Variants in CALN1 observed in about 807,000 individuals in gnomAD.
CALN1 encodes calneuron 1.
In CALN1, 17 loss-of-function variants were observed where a neutral mutation model predicts 30.6. The ratio of observed to expected loss-of-function variants is 0.56; its 90% CI spans 0.38 to 0.83. CALN1 has a LOEUF of 0.83. Ranked by LOEUF, CALN1 falls within the 40% of genes least tolerant of loss-of-function variation. The pLI is 0.00. For missense variants in CALN1, 291 were observed against 354.9 expected (o/e 0.82, Z 1.45); for synonymous variants, 156 against 131.4 (o/e 1.19, Z -1.28).
At chr7:72,079,927 T>C (rs144692486) in intron 4 of CALN1, among the ~76,000 whole-genome samples, 2,934 of 152,046 alleles carry the variant, frequency 0.019, 93 homozygotes, top group African/African-American at 0.067. Context: ...TCTGCCACGA[T>C]GCCCAGCTAA....
At chr7:71,813,985 T>C (rs1315562344) in intron 5 of CALN1, among the ~76,000 whole-genome samples, 1 of 145,736 alleles carries the variant, frequency 6.9e-6, no homozygotes, top group Non-Finnish European at 1.5e-5. Context: ...GCCCAAGCAA[T>C]TAAGAGGATA....
chr7:71,807,180 A>G (rs567295284), intron 6 of CALN1, among the ~76,000 whole-genome samples: 6 of 152,300 alleles, frequency 3.9e-5, no homozygotes, highest in Non-Finnish European at 7.3e-5. Context: ...TCAGGTCTTG[A>G]TAGAAGAAGG....
the CALN1 span, among the ~76,000 whole-genome samples, chr7:72,500,712 T>C: frequency 6.6e-6 from 1 of 152,258 alleles, no homozygotes; most frequent in Non-Finnish European, 1.5e-5. Context: ...AAAACTGATA[T>C]GAAAACATAC....
intron 4 of CALN1, among the ~76,000 whole-genome samples, chr7:72,086,628 T>C (rs1805500479): frequency 6.6e-6 from 1 of 152,112 alleles, no homozygotes; most frequent in African/African-American, 2.4e-5. Context: ...GAGATGAGGT[T>C]TCAGCATGTT....
chr7:71,996,397 A>G (rs1402038527), intron 5 of CALN1, among the ~76,000 whole-genome samples: 4 of 152,200 alleles, frequency 2.6e-5, no homozygotes, highest in African/African-American at 7.2e-5. Context: ...TAAAGAAACC[A>G]TCATGCCCCA....
At chr7:71,959,375 T>G (rs1797123404) in intron 5 of CALN1, among the ~76,000 whole-genome samples, 1 of 152,168 alleles carries the variant, frequency 6.6e-6, no homozygotes, top group African/African-American at 2.4e-5. Context: ...AATCCAGACT[T>G]GGTTGTTTTT....
intron 3 of CALN1, among the ~76,000 whole-genome samples, chr7:72,140,794 A>G (rs1357598844): frequency 2.0e-5 from 3 of 152,212 alleles, no homozygotes; most frequent in African/African-American, 7.2e-5. Flanking sequence ...AACTTCCAGG[A>G]CAGGAGAGAA....
intron 3 of CALN1, 118 bp downstream of exon 3, chr7:72,278,568 A>G: frequency 1.5e-6 from 2 of 1,378,048 alleles, no homozygotes; most frequent in Non-Finnish European, 2.0e-6. Context: ...CCATGGCTAC[A>G]CTTGGCCACA....
chr7:71,938,275 G>C (rs1336748831), intron 5 of CALN1, among the ~76,000 whole-genome samples: 2 of 151,772 alleles, frequency 1.3e-5, no homozygotes, highest in African/African-American at 2.4e-5. Flanking sequence ...ACTTTTTTTT[G>C]CTTATTTGGT....
chr7:71,847,826 AAGGAGAAGGAGAAGG>A (rs1234555063), intron 5 of CALN1, among the ~76,000 whole-genome samples: 3 of 101,540 alleles, frequency 3.0e-5, no homozygotes, highest in African/African-American at 1.5e-4. Context: ...GGAGAAGGAG[AAGGAGAAGGAGAAGG>A]AGAAGGAGAA....
chr7:72,294,270 T>G (rs1304805722), intron 2 of CALN1, among the ~76,000 whole-genome samples: 6 of 152,060 alleles, frequency 3.9e-5, no homozygotes, highest in Non-Finnish European at 8.8e-5. Context: ...GTAAGTCAAA[T>G]GTAATAGAAA....
chr7:72,097,381 C>T (rs1387064938), intron 4 of CALN1, among the ~76,000 whole-genome samples: 1 of 152,082 alleles, frequency 6.6e-6, no homozygotes, highest in Non-Finnish European at 1.5e-5. Context: ...GCCTTTATTC[C>T]CCAGTGAATG....
At chr7:72,478,032 C>G in the CALN1 span, among the ~76,000 whole-genome samples, 5 of 152,004 alleles carry the variant, frequency 3.3e-5, no homozygotes, top group Non-Finnish European at 7.4e-5. Context: ...GTCTTCAGAG[C>G]CTAGCACGTT....
intron 2 of CALN1, among the ~76,000 whole-genome samples, chr7:72,360,629 G>C (rs1026020815): frequency 2.1e-4 from 31 of 148,364 alleles, no homozygotes; most frequent in African/African-American, 7.4e-4. Context: ...TATACTTTAA[G>C]TTCTAGGGTA....
intron 3 of CALN1, among the ~76,000 whole-genome samples, chr7:72,156,003 G>A (rs11767811): frequency 0.16 from 24,463 of 152,126 alleles, 2,450 homozygotes; most frequent in East Asian, 0.29. Context: ...AGATACTCCA[G>A]GAGAATCTCT....
the CALN1 span, among the ~76,000 whole-genome samples, chr7:72,458,220 A>G: frequency 3.9e-4 from 38 of 96,868 alleles, 5 homozygotes; most frequent in Non-Finnish European, 7.4e-4. Context: ...TTTATAATAT[A>G]TTATATAATA....
the CALN1 span, among the ~76,000 whole-genome samples, chr7:72,494,183 T>G: frequency 1.3e-5 from 2 of 151,970 alleles, no homozygotes; most frequent in African/African-American, 4.8e-5. Context: ...GAGCAAGACC[T>G]TGTCTCTAAA....
chr7:72,285,541 C>CT (rs1226681847), intron 2 of CALN1, among the ~76,000 whole-genome samples: 4 of 152,174 alleles, frequency 2.6e-5, no homozygotes, highest in Admixed American at 6.5e-5. Context: ...CAGCGCCCAG[C>CT]TCTTACTGTA....
chr7:71,790,348 AAAG>A (rs1344908138), intron 6 of CALN1, among the ~76,000 whole-genome samples: 3 of 89,054 alleles, frequency 3.4e-5, no homozygotes, highest in African/African-American at 4.7e-5. Context: ...GAAAGAAAGA[AAAG>A]AAAGAAAGAA....
Sources: allele counts gnomAD v4.1 joint callset (sites outside exome capture counted in the v4.1 genomes callset), GRCh38; gene constraint gnomAD v4.1.1; transcripts MANE v1.5; gene names NCBI Gene and HGNC (gene_info 2026-07-23, HGNC 2026-07-21).